COG5: variants seen among roughly 807,000 people sequenced by gnomAD.
COG5 encodes the protein component of oligomeric golgi complex 5.
COG5 carries 86 observed loss-of-function variants against 110.4 expected under a neutral mutation model. That is an observed-to-expected ratio of 0.78 (90% CI 0.65 to 0.93). The LOEUF (loss-of-function observed/expected upper bound fraction) is 0.93. COG5 is among the 40% of genes least tolerant of loss of function. The probability of loss-of-function intolerance (pLI) is 0.00; values close to 1 mark genes in which losing one functional copy is unlikely to be tolerated. For missense variants in COG5, 1,077 were observed against 987.0 expected (o/e 1.09, Z -1.22); for synonymous variants, 360 against 334.6 (o/e 1.08, Z -0.83).
At chr7:107,352,731 C>G (rs967183605) in intron 10 of COG5, among the ~76,000 whole-genome samples, 1 of 142,486 alleles carries the variant, frequency 7.0e-6, no homozygotes, top group Non-Finnish European at 1.6e-5. Flanking sequence ...TTCATAGTTA[C>G]GATTCTCATT....
chr7:107,437,474 A>G lies in COG5; in HGVS notation c.539-24842T>C, dbSNP rs996840791. ...AATACTGGTGCCTGGAAGAAAGTGA[A>G]TATGTCTTGCCTTTTACTGGATGAC... On this transcript the variant is annotated intron_variant, in intron 6 of 21. Transcript: ENST00000297135. 3.3e-5 allele frequency among the ~76,000 whole-genome samples: 5 copies of G among 152,170 alleles called. No homozygotes were observed. In the East Asian group the frequency reaches 5.8e-4, roughly 18 times the overall value.
intron 7 of COG5, among the ~76,000 whole-genome samples, chr7:107,405,205 C>T (rs1791744757): frequency 6.6e-6 from 1 of 152,120 alleles, no homozygotes; most frequent in African/African-American, 2.4e-5. Context: ...CTTAACCATA[C>T]AGAAAATGGA....
intron 6 of COG5, among the ~76,000 whole-genome samples, chr7:107,477,088 A>AT (rs983045232): frequency 5.9e-5 from 9 of 151,700 alleles, no homozygotes; most frequent in Admixed American, 4.6e-4. Flanking sequence ...CAAGTAAGAT[A>AT]TTTTTTGAAA....
chr7:107,233,830 GT>G (rs1800951859), intron 18 of COG5, among the ~76,000 whole-genome samples: 1 of 152,156 alleles, frequency 6.6e-6, no homozygotes, highest in Non-Finnish European at 1.5e-5. Flanking sequence ...CTATTTAAAT[GT>G]TTTGACTGAC....
At chr7:107,547,457 G>T (rs1372128492) in intron 5 of COG5, among the ~76,000 whole-genome samples, 1 of 152,086 alleles carries the variant, frequency 6.6e-6, no homozygotes, top group Non-Finnish European at 1.5e-5. Flanking sequence ...CTAAGATCAG[G>T]AACAAAACAA....
intron 6 of COG5, among the ~76,000 whole-genome samples, chr7:107,440,142 T>C (rs549260605): frequency 7.9e-5 from 12 of 152,354 alleles, no homozygotes; most frequent in Admixed American, 2.0e-4. Context: ...TGTGTAAGAA[T>C]CTACTTGTCT....
At chr7:107,438,105 T>C (rs900397166) in intron 6 of COG5, among the ~76,000 whole-genome samples, 2 of 152,216 alleles carry the variant, frequency 1.3e-5, no homozygotes, top group South Asian at 2.1e-4. Context: ...AAAATAAGCA[T>C]AGTGGACCAG....
At chr7:107,460,461 T>C (rs1017472720) in intron 6 of COG5, among the ~76,000 whole-genome samples, 1 of 151,922 alleles carries the variant, frequency 6.6e-6, no homozygotes, top group Non-Finnish European at 1.5e-5. Context: ...TCAGGAAAAT[T>C]AGAAAGCATA....
chr7:107,428,238 C>A (rs994415768), intron 6 of COG5, among the ~76,000 whole-genome samples: 15 of 152,114 alleles, frequency 9.9e-5, no homozygotes, highest in African/African-American at 3.6e-4. Context: ...GGGGTTTCAT[C>A]AGGGACCTGC....
intron 5 of COG5, among the ~76,000 whole-genome samples, chr7:107,537,615 A>C (rs955683669): frequency 6.6e-6 from 1 of 152,138 alleles, no homozygotes; most frequent in African/African-American, 2.4e-5. Context: ...GAGGGATAGC[A>C]TTAGAAGAAA....
intron 6 of COG5, chr7:107,475,013 T>G: frequency 6.2e-7 from 1 of 1,613,048 alleles, no homozygotes; most frequent in South Asian, 1.1e-5. Flanking sequence ...TCTTTATTGA[T>G]TATTTCTACA....
intron 13 of COG5, among the ~76,000 whole-genome samples, chr7:107,281,815 T>A (rs550364281): frequency 9.2e-5 from 14 of 152,260 alleles, no homozygotes; most frequent in African/African-American, 2.2e-4. Context: ...AAATTACACA[T>A]GATATATAAA....
chr7:107,295,038 TACACACACAC>T (rs1249923848), intron 12 of COG5, among the ~76,000 whole-genome samples: 66 of 53,382 alleles, frequency 1.2e-3, no homozygotes, highest in Non-Finnish European at 1.8e-3. Context: ...CACACACATA[TACACACACAC>T]ACACACACAC....
intron 17 of COG5, among the ~76,000 whole-genome samples, chr7:107,237,638 G>A (rs145611008): frequency 2.4e-4 from 37 of 152,318 alleles, no homozygotes; most frequent in African/African-American, 7.7e-4. Context: ...CCAGAGGTCC[G>A]TCACTTTCAG....
rs781059953 is a variant in COG5, at chr7:107,558,092, C to G, written c.118G>C (p.Glu40Gln). The G allele has an allele frequency of 3.1e-6, 5 of 1,613,664 alleles. No homozygotes were observed. The South Asian group carries it at 4.4e-5, about 14-fold the overall frequency. Residue 40 changes from glutamate to glutamine, a missense_variant, in exon 2 of 22, where the codon GAA (glutamate) becomes CAA (glutamine). By Grantham distance (29) the Glu-to-Gln change is conservative. Coordinates refer to ENST00000297135, the MANE Select transcript of COG5 (RefSeq NM_006348.5). Reference protein sequence around the residue: ...QDGCYSDFLNEDFDVKTYTSQ... With the variant: ...QDGCYSDFLNQDFDVKTYTSQ... Reference sequence around the variant, plus strand: ...GTATAAGTCTTTACATCAAAGTCTTCGTTTAAAAAGTCACTATAACACCCT... The same window carrying G: ...GTATAAGTCTTTACATCAAAGTCTTGGTTTAAAAAGTCACTATAACACCCT...
In COG5 at chr7:107,281,403, G is replaced by C. The variant is rs375740975; in HGVS notation, c.1476-4C>G. ...AACAGCAGCAACATTTAGTTCACTG[G>C]AGAAAATGAAAACAGTTTTTAAATA... On this transcript the variant is annotated splice_region_variant and splice_polypyrimidine_tract_variant and intron_variant, in intron 13 of 21. Coordinates refer to ENST00000297135, the MANE Select transcript of COG5 (RefSeq NM_006348.5). 1 of 1,606,054 alleles carries C rather than the reference G, an allele frequency of 6.2e-7. No homozygotes were observed. Among genetic ancestry groups the C allele is most frequent in the Non-Finnish European group, 8.5e-7 (1 of 1,172,940 alleles).
chr7:107,464,774 T>C (rs1796200621), intron 6 of COG5, among the ~76,000 whole-genome samples: 4 of 152,248 alleles, frequency 2.6e-5, no homozygotes, highest in Admixed American at 2.0e-4. Context: ...AGTATGAGCA[T>C]GATATCAGTG....
intron 6 of COG5, among the ~76,000 whole-genome samples, chr7:107,510,554 G>C (rs573278869): frequency 8.5e-5 from 13 of 152,226 alleles, no homozygotes; most frequent in South Asian, 4.1e-4. Context: ...GGACCTAATA[G>C]ACATCTACAG....
At chr7:107,401,048 A>G (rs147998767) in intron 7 of COG5, among the ~76,000 whole-genome samples, 1 of 152,260 alleles carries the variant, frequency 6.6e-6, no homozygotes, top group Non-Finnish European at 1.5e-5. Context: ...TACAGCAAAT[A>G]GTTTAGGCTT....
Sources: gnomAD v4.1 joint callset for allele counts (sites outside exome capture counted in the v4.1 genomes callset) on GRCh38, gnomAD v4.1.1 for gene constraint, MANE v1.5 for transcripts, NCBI Gene and HGNC (gene_info 2026-07-23, HGNC 2026-07-21) for gene names.